The following MECOM variants were observed in gnomAD, a reference collection of about 807,000 sequenced individuals.
MECOM encodes the protein MDS1 and EVI1 complex locus, also known as histone-lysine N-methyltransferase MECOM.
In MECOM, 13 loss-of-function variants were observed where a neutral mutation model predicts 116.3. That is an observed-to-expected ratio of 0.11 (90% confidence interval 0.07 to 0.18). The LOEUF is 0.18. Ranked by LOEUF, MECOM falls within the 10% of genes least tolerant of loss-of-function variation. The pLI is 1.00. For missense variants in MECOM, 1,299 were observed against 1,509.0 expected, an observed-to-expected ratio of 0.86 and a Z score of 2.31; for synonymous variants, 528 against 535.2, an observed-to-expected ratio of 0.99 and a Z score of 0.19.
Position 169,486,307 on chromosome 3 carries a change from G to A in MECOM, c.38-104783C>T, listed in dbSNP as rs574779389. Among the ~76,000 whole-genome samples the A allele has an allele frequency of 2.6e-5, 4 of 151,940 alleles. No homozygotes were observed. The South Asian group carries it at 8.3e-4, about 32-fold the overall frequency. On this transcript the variant is annotated intron_variant, in intron 1 of 16. Transcript: ENST00000651503. ...GATAGCTAATAATGAAGCAGCACAT[G>A]TAATGGCATTGAAACAAGAGTGCTC... is the stretch of plus-strand genomic sequence containing the variant.
chr3:169,308,223 T>C (rs1718068069), intron 2 of MECOM, among the ~76,000 whole-genome samples: 1 of 152,230 alleles, frequency 6.6e-6, no homozygotes, highest in South Asian at 2.1e-4. Flanking sequence ...TATTTTACTA[T>C]TGTGCTGCTG....
chr3:169,418,574 A>T (rs1334716788), intron 1 of MECOM, among the ~76,000 whole-genome samples: 3 of 152,216 alleles, frequency 2.0e-5, no homozygotes, highest in Non-Finnish European at 4.4e-5. Context: ...CACCCCTGGG[A>T]TGCAAGGCTA....
At chr3:169,170,988 G>T (rs1207311747) in intron 2 of MECOM, among the ~76,000 whole-genome samples, 1 of 152,084 alleles carries the variant, frequency 6.6e-6, no homozygotes, top group Non-Finnish European at 1.5e-5. Context: ...TGGATATTCT[G>T]CTTTCAATGT....
intron 1 of MECOM, among the ~76,000 whole-genome samples, chr3:169,402,826 A>G (rs1049455634): frequency 2.6e-5 from 4 of 152,134 alleles, no homozygotes; most frequent in East Asian, 1.9e-4. Context: ...TTCTTTGGCA[A>G]TCCTAACTCA....
Position 169,378,502 on chromosome 3 carries a change from A to C in MECOM, c.375+2685T>G, listed in dbSNP as rs1466549632. Among the ~76,000 whole-genome samples, 70 of 62,254 alleles carry C rather than the reference A, an allele frequency of 1.1e-3. 6 individuals carry two copies. Among genetic ancestry groups the C allele is most frequent in the African/African-American group, 3.3e-3 (39 of 11,940 alleles). 40.8% of individuals were successfully genotyped at this position (62,254 alleles called of 152,430 possible). On this transcript the variant is annotated intron_variant, in intron 2 of 16. Transcript: ENST00000651503. ...GAAAGAGAGAGAGAAAGAAAGAAAG[A>C]AAGAAAGAAAGAAAAGAAAGAAAGA...
Position 169,121,215 on chromosome 3 carries a change from A to G in MECOM, c.979-6T>C, listed in dbSNP as rs1367522111. 2 of 1,608,146 alleles carry G rather than the reference A, an allele frequency of 1.2e-6. No homozygotes were observed. Among genetic ancestry groups the G allele is most frequent in the Non-Finnish European group, 1.7e-6 (2 of 1,176,954 alleles). On this transcript the variant is annotated splice_region_variant and splice_polypyrimidine_tract_variant and intron_variant, in intron 6 of 16. Transcript: ENST00000651503. ...TTGCTAGGGTCCGTGAAAACCTGCT[A>G]GGAAATGAGTACTGATTAATCAAGA...
chr3:169,285,930 G>T (rs139716388), intron 2 of MECOM, among the ~76,000 whole-genome samples: 1 of 152,078 alleles, frequency 6.6e-6, no homozygotes. Flanking sequence ...ACCAACTTTC[G>T]CTGTGAATGT....
At chr3:169,185,362 G>T (rs990194112) in intron 2 of MECOM, among the ~76,000 whole-genome samples, 1 of 152,150 alleles carries the variant, frequency 6.6e-6, no homozygotes, top group African/African-American at 2.4e-5. Flanking sequence ...AGGACATAGA[G>T]TCCAAGAGGC....
At chr3:169,348,506 A>G (rs1725757009) in intron 2 of MECOM, among the ~76,000 whole-genome samples, 1 of 152,002 alleles carries the variant, frequency 6.6e-6, no homozygotes, top group African/African-American at 2.4e-5. Flanking sequence ...TTTGAGGATG[A>G]GTAGAATATA....
At chr3:169,132,203 G>A (rs866991793) in intron 3 of MECOM, among the ~76,000 whole-genome samples, 10 of 152,146 alleles carry the variant, frequency 6.6e-5, no homozygotes, top group Non-Finnish European at 5.9e-5. Flanking sequence ...TGGGGGTGGT[G>A]CTTATTCCCC....
chr3:169,413,403 C>T (rs984386115), intron 1 of MECOM, among the ~76,000 whole-genome samples: 1 of 151,994 alleles, frequency 6.6e-6, no homozygotes, highest in Non-Finnish European at 1.5e-5. Flanking sequence ...CAAGTGCCCT[C>T]GGTATCAAGC....
chr3:169,108,013 T>C (rs1404710030), intron 9 of MECOM, 61 bp from the exon 10 acceptor site: 2 of 1,405,252 alleles, frequency 1.4e-6, no homozygotes, highest in African/African-American at 2.8e-5. Flanking sequence ...TTTATTGCAA[T>C]CTATCCTTTG....
intron 2 of MECOM, among the ~76,000 whole-genome samples, chr3:169,341,467 C>T (rs1031613249): frequency 4.0e-5 from 6 of 149,152 alleles, no homozygotes; most frequent in African/African-American, 7.4e-5. Flanking sequence ...AGGGGCCGAG[C>T]GCGGTGGCTC....
intron 1 of MECOM, among the ~76,000 whole-genome samples, chr3:169,438,240 A>G (rs192895349): frequency 6.6e-6 from 1 of 152,320 alleles, no homozygotes; most frequent in East Asian, 1.9e-4. Context: ...GATAACAATA[A>G]GAACATTTTG....
chr3:169,371,901 T>G (rs1730206048), intron 2 of MECOM, among the ~76,000 whole-genome samples: 1 of 152,038 alleles, frequency 6.6e-6, no homozygotes, highest in African/African-American at 2.4e-5. Context: ...ATATGTAAGG[T>G]GTCACTGTAG....
At chr3:169,413,269 C>G (rs1163449458) in intron 1 of MECOM, among the ~76,000 whole-genome samples, 2 of 152,112 alleles carry the variant, frequency 1.3e-5, no homozygotes, top group African/African-American at 4.8e-5. Context: ...AACTCCATCC[C>G]TTAGCCAAGG....
At chr3:169,134,324 T>G (rs1004419851) in intron 3 of MECOM, among the ~76,000 whole-genome samples, 15 of 152,194 alleles carry the variant, frequency 9.9e-5, no homozygotes, top group African/African-American at 3.4e-4. Context: ...GATTGTCATG[T>G]GAAGAATATT....
At chr3:169,612,744 T>G (rs1458734635) in intron 1 of MECOM, among the ~76,000 whole-genome samples, 1 of 152,184 alleles carries the variant, frequency 6.6e-6, no homozygotes, top group Non-Finnish European at 1.5e-5. Flanking sequence ...CTCTACAGGT[T>G]CTCAACTTGA....
At chr3:169,161,109 C>T (rs967209875) in intron 2 of MECOM, among the ~76,000 whole-genome samples, 1 of 152,194 alleles carries the variant, frequency 6.6e-6, no homozygotes, top group African/African-American at 2.4e-5. Flanking sequence ...CATCATTTGA[C>T]ATTTAGTGTA....
Sources: allele counts gnomAD v4.1 joint callset (sites outside exome capture counted in the v4.1 genomes callset), GRCh38; gene constraint gnomAD v4.1.1; transcripts MANE v1.5; gene names NCBI Gene and HGNC (gene_info 2026-07-23, HGNC 2026-07-21).